The following CNTN6 variants were observed in gnomAD, a reference collection of about 807,000 sequenced individuals.
CNTN6 encodes the protein contactin-6.
A neutral mutation model predicts 122.8 loss-of-function variants in CNTN6; 137 were observed. The observed-to-expected ratio is 1.12, with a 90% CI of 0.97 to 1.29. CNTN6 has a LOEUF of 1.29. Ranked by LOEUF, CNTN6 falls within the 50% of genes most tolerant of loss-of-function variation. The pLI, the probability that CNTN6 is intolerant of heterozygous loss-of-function variation, is 0.00. For missense variants in CNTN6, 1,634 were observed against 1,223.4 expected, an observed-to-expected ratio of 1.34 and a Z score of -5.01; for synonymous variants, 570 against 426.0, an observed-to-expected ratio of 1.34 and a Z score of -4.16.
At chr3:1,205,657 C>A (rs1303588500) in intron 2 of CNTN6, among the ~76,000 whole-genome samples, 1 of 152,152 alleles carries the variant, frequency 6.6e-6, no homozygotes, top group Non-Finnish European at 1.5e-5. Context: ...AAGGCAAAAT[C>A]ATCAATTTCA....
At chr3:1,369,793 A>G (rs1708737922) in intron 12 of CNTN6, among the ~76,000 whole-genome samples, 1 of 152,094 alleles carries the variant, frequency 6.6e-6, no homozygotes, top group Non-Finnish European at 1.5e-5. Flanking sequence ...GAGTAACTAC[A>G]AAAGGAAAAT....
In CNTN6 at chr3:1,178,197, G is replaced by A. The variant is rs374920456; in HGVS notation, c.55+30134G>A. 4.1e-4 allele frequency among the ~76,000 whole-genome samples: 63 copies of A among 152,082 alleles called. 1 individual carries two copies. Among genetic ancestry groups the A allele is most frequent in the Admixed American group, 7.9e-4 (12 of 15,252 alleles). On this transcript the variant is annotated intron_variant, in intron 2 of 22. Coordinates refer to ENST00000446702, the MANE Select transcript of CNTN6 (RefSeq NM_001289080.2). The stretch of plus-strand genomic sequence containing the variant: ...ATTACAGGCATGAGCCACCACGCCC[G>A]GCCTCCCCTGCACTTTTCTTACTTT...
In CNTN6 at chr3:1,245,265, AT is replaced by A. The variant is rs2094554720; in HGVS notation, c.358+17273del. On this transcript the variant is annotated intron_variant, in intron 4 of 22. Coordinates refer to ENST00000446702, the MANE Select transcript of CNTN6 (RefSeq NM_001289080.2). The stretch of plus-strand genomic sequence containing the variant: ...ACACACATATATATATAACATATAT[AT>A]ATATATATACACACACATATATATA... 3.9e-4 allele frequency among the ~76,000 whole-genome samples: 2 copies of A among 5,064 alleles called. 1 individual carries two copies. The highest frequency in any genetic ancestry group is 7.7e-4 in the Non-Finnish European group (2 of 2,608). The allele number at this position is 5,064 out of a possible 152,430, so 3.3% of individuals were successfully genotyped here. A position where few individuals can be genotyped will look rare whatever the true frequency, so the allele number is the denominator to read the frequency against.
At chr3:1,245,507 A>T (rs975112128) in intron 4 of CNTN6, among the ~76,000 whole-genome samples, 33 of 149,146 alleles carry the variant, frequency 2.2e-4, no homozygotes, top group African/African-American at 8.2e-4. Context: ...AAGCATAAGA[A>T]TGATACAATG....
At chr3:1,384,794 T>TACAC (rs201630403) in intron 19 of CNTN6, among the ~76,000 whole-genome samples, 32 of 107,122 alleles carry the variant, frequency 3.0e-4, no homozygotes, top group African/African-American at 9.2e-4. Context: ...TATATATATA[T>TACAC]ATACACACAC....
chr3:1,189,094 A>G (rs1049871602), intron 2 of CNTN6, among the ~76,000 whole-genome samples: 4 of 152,216 alleles, frequency 2.6e-5, no homozygotes, highest in African/African-American at 9.6e-5. Context: ...GCATGATTTG[A>G]TTGCCATCTA....
chr3:1,129,420 ATTGTACCGTC>A (rs1169805773), intron 1 of CNTN6, among the ~76,000 whole-genome samples: 8 of 151,956 alleles, frequency 5.3e-5, no homozygotes, highest in Admixed American at 3.9e-4. Context: ...AAATACAGAA[ATTGTACCGTC>A]TTCATGCATA....
chr3:1,325,417 A>G (rs761869172), intron 8 of CNTN6, among the ~76,000 whole-genome samples: 1 of 151,878 alleles, frequency 6.6e-6, no homozygotes, highest in Non-Finnish European at 1.5e-5. Context: ...TTTAGTTTAG[A>G]GCAAATATAA....
intron 2 of CNTN6, among the ~76,000 whole-genome samples, chr3:1,199,104 A>G (rs1371775987): frequency 6.6e-6 from 1 of 151,768 alleles, no homozygotes; most frequent in African/African-American, 2.4e-5. Flanking sequence ...TCCAGAAGGA[A>G]CCAACCCTGC....
chr3:1,295,191 C>G (rs55869028), intron 5 of CNTN6, among the ~76,000 whole-genome samples: 9,824 of 152,150 alleles, frequency 0.065, 1,083 homozygotes, highest in African/African-American at 0.22. Flanking sequence ...TAACAAGTAC[C>G]TGTAAGTATG....
intron 11 of CNTN6, among the ~76,000 whole-genome samples, chr3:1,347,306 T>A (rs1704882807): frequency 6.6e-6 from 1 of 152,198 alleles, no homozygotes; most frequent in African/African-American, 2.4e-5. Flanking sequence ...CTATAATCAG[T>A]GATTTAATTA....
At chr3:1,224,295 G>T (rs1052951104) in intron 3 of CNTN6, among the ~76,000 whole-genome samples, 12 of 152,054 alleles carry the variant, frequency 7.9e-5, no homozygotes, top group African/African-American at 2.4e-4. Context: ...GGGGACAGGT[G>T]GGTCAAAGGG....
Position 1,325,797 on chromosome 3 carries a change from C to G in CNTN6, c.947-18C>G. ...AACTGCCTTTTACCAAACAGTGGCA[C>G]TTGCCTTTTTGAAACAGCTCCTCCA... On this transcript the variant is annotated intron_variant, in intron 8 of 22. Coordinates refer to ENST00000446702, the MANE Select transcript of CNTN6 (RefSeq NM_001289080.2). 6.2e-7 allele frequency: 1 copy of G among 1,608,338 alleles called. No homozygotes were observed. Among genetic ancestry groups the G allele is most frequent in the Non-Finnish European group, 8.5e-7 (1 of 1,177,016 alleles).
intron 12 of CNTN6, among the ~76,000 whole-genome samples, chr3:1,354,565 C>T (rs897738006): frequency 1.2e-4 from 18 of 150,692 alleles, no homozygotes; most frequent in Non-Finnish European, 2.2e-4. Context: ...TTTTTCTTGT[C>T]TTTTCTTCCC....
At chr3:1,283,892 C>G (rs1422530723) in intron 5 of CNTN6, among the ~76,000 whole-genome samples, 3 of 152,120 alleles carry the variant, frequency 2.0e-5, no homozygotes, top group African/African-American at 7.2e-5. Context: ...CCCAGCTACT[C>G]TGGGGCTGAG....
At chr3:1,289,830 A>G (rs1435401469) in intron 5 of CNTN6, among the ~76,000 whole-genome samples, 1 of 151,808 alleles carries the variant, frequency 6.6e-6, no homozygotes, top group East Asian at 1.9e-4. Context: ...GCCCAACACC[A>G]CGCCCAGCTA....
At chr3:1,128,149 CT>C (rs1463084772) in intron 1 of CNTN6, 2 of 151,974 alleles carry the variant, frequency 1.3e-5, no homozygotes, top group Non-Finnish European at 2.9e-5. Flanking sequence ...AAATTTGACT[CT>C]TTTACCTCAT....
chr3:1,245,295 C>CATAT (rs71056326), intron 4 of CNTN6, among the ~76,000 whole-genome samples: 45 of 3,780 alleles, frequency 0.012, 3 homozygotes, highest in African/African-American at 0.02. Flanking sequence ...ATATATATAA[C>CATAT]ATATATATAT....
At chr3:1,125,888 A>G (rs1024467664) in intron 1 of CNTN6, among the ~76,000 whole-genome samples, 1 of 151,878 alleles carries the variant, frequency 6.6e-6, no homozygotes, top group Non-Finnish European at 1.5e-5. Context: ...ATGATGGTGA[A>G]CTAGATAATG....
Sources: allele counts gnomAD v4.1 joint callset (sites outside exome capture counted in the v4.1 genomes callset), GRCh38; gene constraint gnomAD v4.1.1; transcripts MANE v1.5; gene names NCBI Gene and HGNC (gene_info 2026-07-23, HGNC 2026-07-21).